The following ANO4 variants were observed in gnomAD, a reference collection of about 807,000 sequenced individuals.
ANO4 encodes the protein anoctamin 4.
ANO4 carries 69 observed loss-of-function variants against 141.9 expected under a neutral mutation model. The observed-to-expected ratio is 0.49, with a 90% CI of 0.40 to 0.59. The LOEUF is 0.59. ANO4 is among the 20% of genes least tolerant of loss of function. ANO4 has a pLI of 0.00. For synonymous variants in ANO4, 350 were observed against 394.3 expected (o/e 0.89, Z 1.33); for missense variants, 894 against 1,162.2 (o/e 0.77, Z 3.36).
chr12:100,767,496 G>T (rs1408191288), intron 3 of ANO4, among the ~76,000 whole-genome samples: 3 of 152,140 alleles, frequency 2.0e-5, no homozygotes, highest in African/African-American at 7.2e-5. Flanking sequence ...AGGGTTACCT[G>T]AACACAAGCA....
intron 1 of ANO4, among the ~76,000 whole-genome samples, chr12:100,854,217 A>G (rs2038042147): frequency 6.6e-6 from 1 of 152,208 alleles, no homozygotes; most frequent in East Asian, 1.9e-4. Flanking sequence ...TCCTTAGGAG[A>G]TATTTTTTCA....
intron 24 of ANO4, among the ~76,000 whole-genome samples, chr12:101,112,811 C>G (rs1231746362): frequency 6.6e-6 from 1 of 152,184 alleles, no homozygotes; most frequent in African/African-American, 2.4e-5. Context: ...TTTGAAAAGG[C>G]TTCTGTAAAG....
At chr12:100,795,767 T>TA (rs2034270246) in intron 1 of ANO4, among the ~76,000 whole-genome samples, 1 of 152,220 alleles carries the variant, frequency 6.6e-6, no homozygotes, top group South Asian at 2.1e-4. Context: ...TGCTAGGAGA[T>TA]AAAATACTTT....
At chr12:100,856,590 T>A (rs1353775142) in intron 1 of ANO4, among the ~76,000 whole-genome samples, 1 of 152,072 alleles carries the variant, frequency 6.6e-6, no homozygotes, top group Non-Finnish European at 1.5e-5. Context: ...GAGGGGAAGC[T>A]ATTTCAGCTT....
intron 14 of ANO4, among the ~76,000 whole-genome samples, chr12:101,078,010 T>C (rs1388126258): frequency 6.6e-6 from 1 of 152,198 alleles, no homozygotes; most frequent in Non-Finnish European, 1.5e-5. Flanking sequence ...GCCCGAGAAC[T>C]CTTATCTATC....
intron 14 of ANO4, among the ~76,000 whole-genome samples, chr12:101,070,987 A>T (rs1035628281): frequency 1.3e-5 from 2 of 152,312 alleles, no homozygotes; most frequent in East Asian, 3.9e-4. Flanking sequence ...CTCCACAGTT[A>T]AAATGGTTTT....
At chr12:101,092,763 T>C (rs946240280) in intron 17 of ANO4, among the ~76,000 whole-genome samples, 2 of 152,192 alleles carry the variant, frequency 1.3e-5, no homozygotes, top group Non-Finnish European at 2.9e-5. Context: ...CACACCCATG[T>C]AACAAAGGCA....
intron 17 of ANO4, among the ~76,000 whole-genome samples, chr12:101,090,643 A>T (rs1013445077): frequency 1.3e-5 from 2 of 152,156 alleles, no homozygotes. Context: ...GATATACCTA[A>T]TGTAAATGAC....
intron 8 of ANO4, among the ~76,000 whole-genome samples, chr12:101,000,652 A>G (rs1336029364): frequency 1.3e-5 from 2 of 152,186 alleles, no homozygotes; most frequent in Non-Finnish European, 1.5e-5. Context: ...AAACATATCT[A>G]TGTTCTGGAA....
chr12:100,810,092 A>T (rs781169563), intron 1 of ANO4, among the ~76,000 whole-genome samples: 9 of 152,094 alleles, frequency 5.9e-5, no homozygotes, highest in Non-Finnish European at 1.3e-4. Context: ...TGATATGTTA[A>T]GCAGTGGTAT....
At chr12:100,894,388 C>T (rs540830106) in intron 1 of ANO4, among the ~76,000 whole-genome samples, 9 of 151,974 alleles carry the variant, frequency 5.9e-5, no homozygotes, top group South Asian at 2.1e-4. Context: ...TTGGGGGGAG[C>T]GGGGGCGGTC....
intron 1 of ANO4, among the ~76,000 whole-genome samples, chr12:100,806,559 T>TTTTTTTTTA: frequency 1.1e-5 from 1 of 91,806 alleles, no homozygotes; most frequent in African/African-American, 5.2e-5. Context: ...TTTTTTTTTT[T>TTTTTTTTTA]TGTGAGACAG....
At chr12:101,037,961 A>G (rs1380369074) in intron 10 of ANO4, among the ~76,000 whole-genome samples, 2 of 152,210 alleles carry the variant, frequency 1.3e-5, no homozygotes, top group Non-Finnish European at 2.9e-5. Context: ...TTGTCAATAG[A>G]CTTTGGAAGA....
At chr12:100,971,612 C>T (rs1035577742) in intron 6 of ANO4, among the ~76,000 whole-genome samples, 1 of 152,102 alleles carries the variant, frequency 6.6e-6, no homozygotes, top group Non-Finnish European at 1.5e-5. Flanking sequence ...TAATTTAGTT[C>T]TTAGCAGGTA....
At chr12:100,979,084 GA>G (rs2044336444) in intron 7 of ANO4, among the ~76,000 whole-genome samples, 1 of 152,126 alleles carries the variant, frequency 6.6e-6, no homozygotes, top group South Asian at 2.1e-4. Context: ...TGGGATGGGG[GA>G]GACCTGAGGA....
chr12:100,813,317 G>T (rs779685320), intron 1 of ANO4, among the ~76,000 whole-genome samples: 5 of 152,140 alleles, frequency 3.3e-5, no homozygotes, highest in Non-Finnish European at 7.4e-5. Context: ...CCTCTCCAAG[G>T]GCTTTAAATA....
intron 2 of ANO4, among the ~76,000 whole-genome samples, chr12:100,734,495 A>G (rs1470118660): frequency 6.6e-6 from 1 of 152,238 alleles, no homozygotes; most frequent in Non-Finnish European, 1.5e-5. Flanking sequence ...AAGTGAAGAT[A>G]ATAGCTACAG....
chr12:100,806,636 C>T (rs1249037564), intron 1 of ANO4, among the ~76,000 whole-genome samples: 1 of 142,216 alleles, frequency 7.0e-6, no homozygotes, highest in Non-Finnish European at 1.5e-5. Context: ...CCTCCGCCTC[C>T]TGGGTTCAAG....
At chr12:100,942,556 A>AG in intron 5 of ANO4, 21 bp downstream of exon 5, 1 of 1,607,180 alleles carries the variant, frequency 6.2e-7, no homozygotes, top group Non-Finnish European at 8.5e-7. Flanking sequence ...TGCTTGGATG[A>AG]GAAAAAAATA....
Sources: allele counts gnomAD v4.1 joint callset (sites outside exome capture counted in the v4.1 genomes callset), GRCh38; gene constraint gnomAD v4.1.1; transcripts MANE v1.5; gene names NCBI Gene and HGNC (gene_info 2026-07-23, HGNC 2026-07-21).